The following UNC13C variants were observed in gnomAD, a reference collection of about 807,000 sequenced individuals.
UNC13C encodes protein unc-13 homolog C.
In UNC13C, 174 loss-of-function variants were observed where a neutral mutation model predicts 245.4. That is an observed-to-expected ratio of 0.71 (90% CI 0.63 to 0.80). The LOEUF (loss-of-function observed/expected upper bound fraction) is 0.80. Among genes scored for constraint, UNC13C ranks in the 30% least tolerant of loss-of-function variants. The pLI, the probability that UNC13C is intolerant of heterozygous loss-of-function variation, is 0.00. For missense variants in UNC13C, 2,829 were observed against 2,602.9 expected (o/e 1.09, Z -1.89); for synonymous variants, 992 against 895.1 (o/e 1.11, Z -1.93).
In UNC13C at chr15:54,044,128, G is replaced by A. The variant is rs527562747; in HGVS notation, c.2983+28242G>A. Among the ~76,000 whole-genome samples the A allele has an allele frequency of 2.0e-5, 3 of 152,272 alleles. No homozygotes were observed. In the South Asian group the frequency reaches 6.2e-4, roughly 32 times the overall value. ...AACCACTAATCTACCTTCTGTCCCT[G>A]TGGAGTTGCCTTTTCTGAACCTTTC... On this transcript the variant is annotated intron_variant, in intron 2 of 32. Transcript: ENST00000260323.
intron 13 of UNC13C, among the ~76,000 whole-genome samples, chr15:54,317,151 A>T (rs912174403): frequency 3.3e-5 from 5 of 151,968 alleles, no homozygotes; most frequent in African/African-American, 7.2e-5. Context: ...TATTATAATT[A>T]CTATTTGACT....
intron 2 of UNC13C, among the ~76,000 whole-genome samples, chr15:54,084,948 T>G (rs1428911789): frequency 6.6e-6 from 1 of 152,194 alleles, no homozygotes; most frequent in African/African-American, 2.4e-5. Flanking sequence ...TTATGATTAT[T>G]TATAAGTAGT....
intron 19 of UNC13C, among the ~76,000 whole-genome samples, chr15:54,486,015 T>G (rs78150961): frequency 0.03 from 4,569 of 152,244 alleles, 177 homozygotes; most frequent in Admixed American, 0.12. Context: ...CTTCACATTA[T>G]ATTGAATGGC....
chr15:54,056,308 C>T lies in UNC13C; in HGVS notation c.2983+40422C>T, dbSNP rs191085903. On this transcript the variant is annotated intron_variant, in intron 2 of 32. Coordinates refer to ENST00000260323, the MANE Select transcript of UNC13C (RefSeq NM_001080534.3). Reference sequence around the variant, plus strand: ...AAACCATGGCACGAGACCTACGTGACGAATGCACAAGCCTCAGTAACCGAT... The same window carrying T: ...AAACCATGGCACGAGACCTACGTGATGAATGCACAAGCCTCAGTAACCGAT... Among the ~76,000 whole-genome samples, 537 of 152,066 alleles carry T rather than the reference C, an allele frequency of 3.5e-3. 8 individuals are homozygous for T. Among genetic ancestry groups the T allele is most frequent in the African/African-American group, 0.012 (517 of 41,480 alleles).
intron 2 of UNC13C, among the ~76,000 whole-genome samples, chr15:54,108,426 A>T (rs1264824476): frequency 6.6e-6 from 1 of 152,030 alleles, no homozygotes; most frequent in African/African-American, 2.4e-5. Flanking sequence ...TGACCTCATG[A>T]TCCGCCCGCT....
At chr15:54,172,026 G>A (rs569664606) in intron 4 of UNC13C, among the ~76,000 whole-genome samples, 2 of 152,162 alleles carry the variant, frequency 1.3e-5, no homozygotes, top group South Asian at 2.1e-4. Flanking sequence ...AAGTTTACAT[G>A]TTCTCACTTA....
intron 7 of UNC13C, 125 bp downstream of exon 7, chr15:54,237,815 A>G (rs1022811195): frequency 1.2e-6 from 1 of 806,804 alleles, no homozygotes; most frequent in South Asian, 1.7e-5. Context: ...AACTGGGAGC[A>G]TGAGGAAAGC....
chr15:54,524,017 T>G (rs1447209062), intron 24 of UNC13C, among the ~76,000 whole-genome samples: 1 of 152,208 alleles, frequency 6.6e-6, no homozygotes, highest in Admixed American at 6.5e-5. Flanking sequence ...CCACATATGT[T>G]TTCTTGGTTA....
chr15:54,213,600 G>A (rs557350762), intron 4 of UNC13C, among the ~76,000 whole-genome samples: 8 of 152,094 alleles, frequency 5.3e-5, no homozygotes, highest in African/African-American at 1.9e-4. Context: ...TACATTCATG[G>A]GTTGCAGGCA....
chr15:54,298,538 T>C (rs2037495080), intron 12 of UNC13C, among the ~76,000 whole-genome samples: 1 of 152,140 alleles, frequency 6.6e-6, no homozygotes, highest in Non-Finnish European at 1.5e-5. Flanking sequence ...TCTACAAACA[T>C]GTGAGTATGG....
chr15:54,479,512 T>G (rs185690737), intron 19 of UNC13C, among the ~76,000 whole-genome samples: 1 of 152,148 alleles, frequency 6.6e-6, no homozygotes. Context: ...CAGATTTTTT[T>G]AAATCCATTT....
At chr15:54,300,428 G>T in intron 13 of UNC13C, 55 bp downstream of exon 13, 1 of 1,460,770 alleles carries the variant, frequency 6.8e-7, no homozygotes, top group Non-Finnish European at 9.2e-7. Flanking sequence ...TATAAAGAAA[G>T]AAAGGAGCGT....
At chr15:54,414,680 AG>A (rs2040482991) in intron 18 of UNC13C, among the ~76,000 whole-genome samples, 1 of 152,080 alleles carries the variant, frequency 6.6e-6, no homozygotes, top group Admixed American at 6.6e-5. Context: ...CTTCGATAAA[AG>A]TGAAGGAGCT....
chr15:54,098,143 C>T (rs1311294248), intron 2 of UNC13C, among the ~76,000 whole-genome samples: 1 of 152,116 alleles, frequency 6.6e-6, no homozygotes, highest in Non-Finnish European at 1.5e-5. Context: ...GCACATCCTC[C>T]ACTTTGGTGA....
chr15:54,317,720 CAT>C (rs1384905166), intron 13 of UNC13C, among the ~76,000 whole-genome samples: 1 of 151,948 alleles, frequency 6.6e-6, no homozygotes, highest in Non-Finnish European at 1.5e-5. Context: ...CATCATCTCA[CAT>C]AGTTATCATT....
intron 17 of UNC13C, among the ~76,000 whole-genome samples, chr15:54,349,810 C>G (rs2038939994): frequency 6.6e-6 from 1 of 152,004 alleles, no homozygotes; most frequent in South Asian, 2.1e-4. Flanking sequence ...GGAGGCAACC[C>G]AGGTATCTTT....
At chr15:54,547,051 T>C (rs916103340) in intron 27 of UNC13C, among the ~76,000 whole-genome samples, 2 of 152,216 alleles carry the variant, frequency 1.3e-5, no homozygotes, top group African/African-American at 4.8e-5. Flanking sequence ...TTCACGTTGC[T>C]TGACAGTCAG....
chr15:54,463,790 T>C (rs900757694), intron 19 of UNC13C, among the ~76,000 whole-genome samples: 28 of 151,824 alleles, frequency 1.8e-4, no homozygotes, highest in Non-Finnish European at 4.1e-4. Flanking sequence ...GATCAAGAAG[T>C]AGGATGCTCG....
At chr15:54,368,796 T>C (rs2039423957) in intron 17 of UNC13C, among the ~76,000 whole-genome samples, 1 of 152,144 alleles carries the variant, frequency 6.6e-6, no homozygotes, top group Admixed American at 6.6e-5. Context: ...AAATAAGCAA[T>C]TGCAATAAAT....
Sources: allele counts gnomAD v4.1 joint callset (sites outside exome capture counted in the v4.1 genomes callset), GRCh38; gene constraint gnomAD v4.1.1; transcripts MANE v1.5; gene names NCBI Gene and HGNC (gene_info 2026-07-23, HGNC 2026-07-21).